ROBO1: variants seen among roughly 807,000 people sequenced by gnomAD.
ROBO1 encodes roundabout guidance receptor 1, also known as roundabout homolog 1.
ROBO1 carries 149 observed loss-of-function variants against 195.9 expected under a neutral mutation model. The observed-to-expected ratio is 0.76, with a 90% CI of 0.67 to 0.87. The LOEUF is 0.87. Ranked by LOEUF, ROBO1 falls within the 40% of genes least tolerant of loss-of-function variation. The probability of loss-of-function intolerance (pLI) is 0.00; values close to 1 mark genes in which losing one functional copy is unlikely to be tolerated. For missense variants in ROBO1, 1,933 were observed against 2,068.3 expected (o/e 0.93, Z 1.27); for synonymous variants, 816 against 733.2 (o/e 1.11, Z -1.82).
At chr3:79,338,663 T>C (rs1006194454) in intron 2 of ROBO1, among the ~76,000 whole-genome samples, 3 of 152,192 alleles carry the variant, frequency 2.0e-5, no homozygotes, top group African/African-American at 7.2e-5. Flanking sequence ...ATCTCTGTTC[T>C]TTTGCATTCT....
At chr3:79,148,253 G>A (rs1234947358) in intron 2 of ROBO1, among the ~76,000 whole-genome samples, 1 of 151,802 alleles carries the variant, frequency 6.6e-6, no homozygotes, top group Non-Finnish European at 1.5e-5. Flanking sequence ...ACAGCACCAC[G>A]ATGGTAAACG....
chr3:79,161,797 T>C (rs915154736), intron 2 of ROBO1, among the ~76,000 whole-genome samples: 6 of 152,092 alleles, frequency 3.9e-5, no homozygotes, highest in Non-Finnish European at 7.4e-5. Flanking sequence ...TACACACTCA[T>C]TGTTAGATAG....
At chr3:78,877,333 G>C (rs1183518700) in intron 4 of ROBO1, among the ~76,000 whole-genome samples, 1 of 151,930 alleles carries the variant, frequency 6.6e-6, no homozygotes, top group Non-Finnish European at 1.5e-5. Context: ...ATTTCCATGT[G>C]AAAGAGAATG....
chr3:78,919,539 C>A (rs1366071137), intron 4 of ROBO1, among the ~76,000 whole-genome samples: 1 of 152,176 alleles, frequency 6.6e-6, no homozygotes, highest in East Asian at 1.9e-4. Context: ...CAGCTATTTA[C>A]TTAGTGGATT....
In ROBO1 at chr3:78,688,711, A is replaced by C. The variant is rs765324233; in HGVS notation, c.1107T>G (p.Thr369=). 1.2e-6 allele frequency: 2 copies of C among 1,609,364 alleles called. No individual in the cohort carries two copies. The highest frequency in any genetic ancestry group is 1.7e-6 in the Non-Finnish European group (2 of 1,177,764). ...DQVVALGRTV[T]FQCEATGNPQ... ...GATTTCCGGTTGCTTCACACTGAAA[A>C]GTTACAGTCCGTCCCAAAGCAACAA... The change falls in exon 9 of 31, where the codon ACT becomes ACG. Residue 369 remains threonine (T), a synonymous_variant. Coordinates refer to ENST00000464233, the MANE Select transcript of ROBO1 (RefSeq NM_002941.4).
rs535048759 is a variant in ROBO1 at position 79,518,900 on chromosome 3, G to A, written c.88+70924C>T. 9.9e-5 allele frequency among the ~76,000 whole-genome samples: 15 copies of A among 150,928 alleles called. No homozygotes were observed. The South Asian group carries it at 1.7e-3, about 17-fold the overall frequency. ...TCACCATATTGGCCAAGCTGGTCTC[G>A]AACTACTGACCTCAAGTGATCCACC... On this transcript the variant is annotated intron_variant, in intron 2 of 30. Coordinates refer to ENST00000464233, the MANE Select transcript of ROBO1 (RefSeq NM_002941.4).
At chr3:79,398,334 A>C (rs2037229224) in intron 2 of ROBO1, among the ~76,000 whole-genome samples, 1 of 152,182 alleles carries the variant, frequency 6.6e-6, no homozygotes, top group African/African-American at 2.4e-5. Flanking sequence ...TGTCGATTTT[A>C]ATATATAATT....
chr3:78,858,786 A>C (rs1416136883), intron 4 of ROBO1, among the ~76,000 whole-genome samples: 1 of 151,432 alleles, frequency 6.6e-6, no homozygotes, highest in Non-Finnish European at 1.5e-5. Flanking sequence ...AGAAAACATA[A>C]AAAAGAAGAA....
At chr3:79,328,881 T>C (rs2034323514) in intron 2 of ROBO1, among the ~76,000 whole-genome samples, 1 of 152,034 alleles carries the variant, frequency 6.6e-6, no homozygotes, top group South Asian at 2.1e-4. Context: ...TCCAACTAAG[T>C]GAGAACATAC....
chr3:78,679,736 C>T (rs1290500451), intron 10 of ROBO1, among the ~76,000 whole-genome samples: 3 of 152,148 alleles, frequency 2.0e-5, no homozygotes, highest in South Asian at 2.1e-4. Flanking sequence ...GAATCAATAT[C>T]GTGAAAATGG....
chr3:79,190,245 G>A (rs1200519819), intron 2 of ROBO1, among the ~76,000 whole-genome samples: 2 of 151,730 alleles, frequency 1.3e-5, no homozygotes, highest in African/African-American at 2.4e-5. Flanking sequence ...ACAGAAATGA[G>A]GATCCCTTAA....
chr3:79,361,217 T>C (rs940220249), intron 2 of ROBO1, among the ~76,000 whole-genome samples: 4 of 152,044 alleles, frequency 2.6e-5, no homozygotes, highest in Non-Finnish European at 5.9e-5. Flanking sequence ...TAAATCTTAA[T>C]GTGTGGGGTA....
At chr3:78,881,177 T>G (rs1027051984) in intron 4 of ROBO1, among the ~76,000 whole-genome samples, 1 of 152,174 alleles carries the variant, frequency 6.6e-6, no homozygotes, top group Non-Finnish European at 1.5e-5. Flanking sequence ...TATTTGTTTC[T>G]CTAATAGTGG....
chr3:79,283,664 T>C (rs2109008246), intron 2 of ROBO1, among the ~76,000 whole-genome samples: 1 of 152,228 alleles, frequency 6.6e-6, no homozygotes, highest in South Asian at 2.1e-4. Flanking sequence ...AGTATATCAA[T>C]GGATATCAAT....
At chr3:79,590,186 G>A (rs1452015297) in intron 1 of ROBO1, among the ~76,000 whole-genome samples, 3 of 151,730 alleles carry the variant, frequency 2.0e-5, no homozygotes, top group African/African-American at 4.8e-5. Context: ...TTTCAAGTTA[G>A]ATATTAATCA....
intron 3 of ROBO1, among the ~76,000 whole-genome samples, chr3:78,996,574 T>C (rs936986395): frequency 6.6e-6 from 1 of 152,102 alleles, no homozygotes; most frequent in Non-Finnish European, 1.5e-5. Flanking sequence ...CAGTTCACAC[T>C]GGTAAATTTA....
chr3:79,695,845 T>C (rs1238573059), intron 1 of ROBO1, among the ~76,000 whole-genome samples: 1 of 151,560 alleles, frequency 6.6e-6, no homozygotes, highest in African/African-American at 2.4e-5. Context: ...CATTTTGTGT[T>C]GTGATTATTT....
At chr3:79,213,247 A>G (rs1032598505) in intron 2 of ROBO1, among the ~76,000 whole-genome samples, 14 of 146,658 alleles carry the variant, frequency 9.5e-5, no homozygotes, top group African/African-American at 2.5e-4. Context: ...TCCGTCTTGG[A>G]AAAAAAAAAA....
chr3:78,817,569 A>AAT (rs1204835903), intron 4 of ROBO1, among the ~76,000 whole-genome samples: 2 of 152,208 alleles, frequency 1.3e-5, no homozygotes, highest in African/African-American at 4.8e-5. Context: ...TGGCATGCTC[A>AAT]ATAGATCCAG....
Sources: allele counts gnomAD v4.1 joint callset (sites outside exome capture counted in the v4.1 genomes callset), GRCh38; gene constraint gnomAD v4.1.1; transcripts MANE v1.5; gene names NCBI Gene and HGNC (gene_info 2026-07-23, HGNC 2026-07-21).